SDCCAG8: variants seen among roughly 807,000 people sequenced by gnomAD.
SDCCAG8 encodes the protein serologically defined colon cancer antigen 8.
Under a neutral mutation model 101.8 loss-of-function variants are expected in SDCCAG8, and 74 were observed. The ratio of observed to expected loss-of-function variants is 0.73; its 90% confidence interval spans 0.60 to 0.88. The LOEUF is 0.88. Ranked by LOEUF, SDCCAG8 falls within the 40% of genes least tolerant of loss-of-function variation. SDCCAG8 has a pLI of 0.00. For missense variants in SDCCAG8, 787 were observed against 822.6 expected, an observed-to-expected ratio of 0.96 and a Z score of 0.53; for synonymous variants, 281 against 292.9, an observed-to-expected ratio of 0.96 and a Z score of 0.41.
rs143458423 is a variant in SDCCAG8 at position 243,456,552 on chromosome 1, C to G, written c.1985+29994C>G. Among the ~76,000 whole-genome samples the G allele has an allele frequency of 1.1e-3, 161 of 152,040 alleles. 1 individual carries two copies. Among genetic ancestry groups the G allele is most frequent in the African/African-American group, 3.5e-3 (147 of 41,428 alleles). ...AAATTAGAGTGAGCTATTAGCTGTG[C>G]CTATATGTTTATTTTCATATAAATA... On this transcript the variant is annotated intron_variant, in intron 16 of 17. Transcript: ENST00000366541.
At chr1:243,259,364 G>A (rs185112543) in intron 1 of SDCCAG8, among the ~76,000 whole-genome samples, 4 of 152,024 alleles carry the variant, frequency 2.6e-5, no homozygotes, top group Admixed American at 6.5e-5. Context: ...CCGAGATCGC[G>A]CCACTGCACT....
intron 13 of SDCCAG8, among the ~76,000 whole-genome samples, chr1:243,407,643 T>G (rs1000753312): frequency 1.3e-5 from 2 of 152,166 alleles, no homozygotes; most frequent in Admixed American, 6.5e-5. Flanking sequence ...GAAAATTATT[T>G]TTAGAGATGT....
At chr1:243,431,514 C>T (rs2081763609) in intron 16 of SDCCAG8, among the ~76,000 whole-genome samples, 1 of 152,092 alleles carries the variant, frequency 6.6e-6, no homozygotes, top group African/African-American at 2.4e-5. Flanking sequence ...ACGTTTTGGC[C>T]ATGAATTTAA....
intron 16 of SDCCAG8, among the ~76,000 whole-genome samples, chr1:243,445,050 T>TA (rs2082801705): frequency 6.6e-6 from 1 of 152,188 alleles, no homozygotes; most frequent in Non-Finnish European, 1.5e-5. Context: ...TTAAAATTCC[T>TA]AAAAAAGTCT....
rs1005558474 is a variant in SDCCAG8, at chr1:243,274,632, A to G, written c.396A>G (p.Leu132=). ...INDQSQYIHH[L]EAEVKFCKEE... is the part of the protein sequence containing the mutation. ...ACCAGTCTCAATATATTCATCATTT[A>G]GAGGCAGAAGTTAAGTTCTGCAAGG... is the stretch of plus-strand genomic sequence containing the variant. Residue 132 remains leucine, a synonymous_variant, in exon 4 of 18, where the codon TTA becomes TTG. Transcript: ENST00000366541. 6.2e-7 allele frequency: 1 copy of G among 1,603,362 alleles called. No individual in the cohort carries two copies. Among genetic ancestry groups the G allele is most frequent in the Non-Finnish European group, 8.5e-7 (1 of 1,170,838 alleles).
intron 13 of SDCCAG8, among the ~76,000 whole-genome samples, chr1:243,393,253 A>T (rs1242700949): frequency 6.6e-6 from 1 of 152,094 alleles, no homozygotes; most frequent in African/African-American, 2.4e-5. Context: ...GGTGCCAGGT[A>T]GGAGGGCAGT....
intron 16 of SDCCAG8, among the ~76,000 whole-genome samples, chr1:243,472,094 G>T (rs1661385516): frequency 6.6e-6 from 1 of 152,186 alleles, no homozygotes; most frequent in Non-Finnish European, 1.5e-5. Context: ...CATTTCAGCT[G>T]CCTTTTAGGG....
intron 13 of SDCCAG8, among the ~76,000 whole-genome samples, chr1:243,407,487 A>G (rs927296063): frequency 6.6e-6 from 1 of 152,164 alleles, no homozygotes; most frequent in Non-Finnish European, 1.5e-5. Flanking sequence ...ACTGGAGTTG[A>G]TAGAGTCTGT....
chr1:243,308,294 A>T, intron 8 of SDCCAG8, 117 bp downstream of exon 8: 1 of 1,161,552 alleles, frequency 8.6e-7, no homozygotes, highest in Non-Finnish European at 1.3e-6. Context: ...TTAATCTTCA[A>T]ATACAGTGGA....
chr1:243,389,973 T>C (rs2147940381), intron 13 of SDCCAG8, among the ~76,000 whole-genome samples: 1 of 152,300 alleles, frequency 6.6e-6, no homozygotes, highest in East Asian at 1.9e-4. Context: ...CTATAAACAT[T>C]GAGTAAAGTT....
At chr1:243,323,476 T>C (rs1352338152) in intron 9 of SDCCAG8, among the ~76,000 whole-genome samples, 1 of 152,186 alleles carries the variant, frequency 6.6e-6, no homozygotes, top group East Asian at 1.9e-4. Flanking sequence ...CTCCCACTTC[T>C]ATGTCATCAC....
intron 15 of SDCCAG8, 103 bp downstream of exon 15, chr1:243,418,179 ATTAGGT>A (rs2080738065): frequency 2.5e-6 from 2 of 787,342 alleles, no homozygotes; most frequent in Non-Finnish European, 4.4e-6. Flanking sequence ...TAATGTCAAA[ATTAGGT>A]ATCTGCTGAT....
intron 10 of SDCCAG8, among the ~76,000 whole-genome samples, chr1:243,339,144 A>ACCTCAG (rs2075233739): frequency 5.9e-5 from 9 of 151,980 alleles, no homozygotes; most frequent in South Asian, 2.1e-4. Context: ...TGGGCAGAGG[A>ACCTCAG]AGGGAATGAT....
rs76325877 is a variant in SDCCAG8 at position 243,342,362 on chromosome 1, G to A, written c.1356+1189G>A. ...AAATCGCCTTGAAGTTGCTTCCAAC[G>A]TGGAGATAACATAGTTCTGGTTCAA... On this transcript the variant is annotated intron_variant, in intron 11 of 17. Transcript: ENST00000366541. Among the ~76,000 whole-genome samples the A allele has an allele frequency of 5.4e-3, 828 of 152,294 alleles. 14 individuals carry two copies. The highest frequency in any genetic ancestry group is 0.018 in the African/African-American group (754 of 41,568).
intron 16 of SDCCAG8, among the ~76,000 whole-genome samples, chr1:243,435,066 C>T (rs961017412): frequency 6.6e-6 from 1 of 152,218 alleles, no homozygotes; most frequent in African/African-American, 2.4e-5. Flanking sequence ...TTATACACTG[C>T]TGATGTGCTT....
intron 6 of SDCCAG8, among the ~76,000 whole-genome samples, chr1:243,301,297 T>G (rs1030469166): frequency 3.3e-5 from 5 of 152,288 alleles, no homozygotes; most frequent in South Asian, 4.2e-4. Flanking sequence ...AGTTAATCTC[T>G]GCATAAACAG....
intron 13 of SDCCAG8, among the ~76,000 whole-genome samples, chr1:243,408,386 CTTTCAA>C (rs1038843306): frequency 1.1e-4 from 17 of 152,198 alleles, no homozygotes; most frequent in African/African-American, 3.4e-4. Flanking sequence ...TTTGTGGTAC[CTTTCAA>C]TGTTTTTGCA....
chr1:243,403,058 G>T (rs532486752), intron 13 of SDCCAG8, among the ~76,000 whole-genome samples: 1 of 152,226 alleles, frequency 6.6e-6, no homozygotes, highest in Admixed American at 6.5e-5. Flanking sequence ...ACTAGATGCC[G>T]ATCTGTTAAC....
intron 16 of SDCCAG8, among the ~76,000 whole-genome samples, chr1:243,455,356 A>G (rs989142892): frequency 7.9e-5 from 12 of 152,082 alleles, no homozygotes; most frequent in African/African-American, 2.7e-4. Context: ...TGCAACCTCC[A>G]TCTCCTGGGT....
Sources: allele counts gnomAD v4.1 joint callset (sites outside exome capture counted in the v4.1 genomes callset), GRCh38; gene constraint gnomAD v4.1.1; transcripts MANE v1.5; gene names NCBI Gene and HGNC (gene_info 2026-07-23, HGNC 2026-07-21).